Variants in RPA3 observed in about 807,000 individuals in gnomAD.
RPA3 encodes the protein replication protein A 14 kDa subunit.
A neutral mutation model predicts 13.7 loss-of-function variants in RPA3; 24 were observed. That is an observed-to-expected ratio of 1.75 (90% CI 1.27 to 2.46). The LOEUF (loss-of-function observed/expected upper bound fraction) is 2.46. Among genes scored for constraint, RPA3 ranks in the 30% most tolerant of loss-of-function variants. The probability of loss-of-function intolerance (pLI) is 0.00; values close to 1 mark genes in which losing one functional copy is unlikely to be tolerated. For synonymous variants in RPA3, 59 were observed against 51.2 expected, an observed-to-expected ratio of 1.15 and a Z score of -0.65; for missense variants, 183 against 151.0, an observed-to-expected ratio of 1.21 and a Z score of -1.11.
chr7:7,686,090 G>C (rs946165434), intron 3 of RPA3, 92 bp from the exon 4 acceptor site: 1 of 152,152 alleles, frequency 6.6e-6, no homozygotes, highest in African/African-American at 2.4e-5. Flanking sequence ...AGAGTTGACT[G>C]TTTTACTCTA....
chr7:7,686,372 A>G (rs1780041715), intron 3 of RPA3, among the ~76,000 whole-genome samples: 1 of 152,238 alleles, frequency 6.6e-6, no homozygotes, highest in South Asian at 2.1e-4. Flanking sequence ...GCAGTAAGGA[A>G]CTATCAGACC....
intron 2 of RPA3, among the ~76,000 whole-genome samples, chr7:7,695,414 T>C (rs1227894137): frequency 1.3e-5 from 2 of 152,224 alleles, no homozygotes; most frequent in Non-Finnish European, 2.9e-5. Context: ...CTTGTCTTTC[T>C]GTCTTTTCTA....
At chr7:7,660,917 C>T (rs1411239333) in intron 4 of RPA3, among the ~76,000 whole-genome samples, 1 of 152,212 alleles carries the variant, frequency 6.6e-6, no homozygotes, top group African/African-American at 2.4e-5. Context: ...GTTCTATTCT[C>T]CCTGTCACTT....
rs28912707 is a variant in RPA3, at chr7:7,695,199, G to A, written c.-1027-7871C>T. ...TTGTACGTCTTCTTTTGAGAAGCTC[G>A]CTGTTTCCAAGTAGAGAAAATCACT... On this transcript the variant is annotated intron_variant, in intron 2 of 7. Transcript: ENST00000223129. Among the ~76,000 whole-genome samples the A allele has an allele frequency of 7.9e-5, 12 of 152,174 alleles. No individual in the cohort carries two copies. In the East Asian group the frequency reaches 2.3e-3, roughly 29 times the overall value.
intron 4 of RPA3, among the ~76,000 whole-genome samples, chr7:7,644,461 G>C (rs757572580): frequency 6.7e-6 from 1 of 150,188 alleles, no homozygotes; most frequent in Non-Finnish European, 1.5e-5. Context: ...TGAATTCTTT[G>C]ATACATCGTA....
At chr7:7,654,210 C>G (rs746883237) in intron 4 of RPA3, among the ~76,000 whole-genome samples, 3 of 152,208 alleles carry the variant, frequency 2.0e-5, no homozygotes, top group African/African-American at 7.2e-5. Context: ...TGACTATTCT[C>G]TAGTAGATAC....
intron 4 of RPA3, among the ~76,000 whole-genome samples, chr7:7,663,958 T>C (rs199821414): frequency 6.6e-6 from 1 of 152,180 alleles, no homozygotes; most frequent in East Asian, 1.9e-4. Context: ...ATTAAACAAT[T>C]TTTCCTTCTA....
chr7:7,686,762 C>T (rs1409438959), intron 3 of RPA3, among the ~76,000 whole-genome samples: 2 of 152,174 alleles, frequency 1.3e-5, no homozygotes, highest in African/African-American at 4.8e-5. Context: ...TTCCATGTGG[C>T]CGTTTTCCAG....
chr7:7,686,446 A>T (rs1272193802), intron 3 of RPA3, among the ~76,000 whole-genome samples: 1 of 152,144 alleles, frequency 6.6e-6, no homozygotes, highest in Non-Finnish European at 1.5e-5. Context: ...TTTATTGACA[A>T]TTTTTTAAAA....
intron 4 of RPA3, among the ~76,000 whole-genome samples, chr7:7,681,238 T>TC (rs1024175335): frequency 6.6e-6 from 1 of 152,142 alleles, no homozygotes; most frequent in African/African-American, 2.4e-5. Flanking sequence ...TCTATTTTTT[T>TC]CCACTTGAGA....
intron 2 of RPA3, among the ~76,000 whole-genome samples, chr7:7,707,367 T>C (rs1450964318): frequency 6.6e-6 from 1 of 152,184 alleles, no homozygotes; most frequent in East Asian, 1.9e-4. Context: ...TTTGCTTGCC[T>C]TGAATGACTT....
chr7:7,645,775 A>G (rs1202805501), intron 4 of RPA3, among the ~76,000 whole-genome samples: 2 of 150,050 alleles, frequency 1.3e-5, no homozygotes, highest in African/African-American at 4.9e-5. Context: ...ATTGTCTTTT[A>G]TATATATTCC....
At chr7:7,666,828 G>C (rs1224815906) in intron 4 of RPA3, among the ~76,000 whole-genome samples, 5 of 151,810 alleles carry the variant, frequency 3.3e-5, no homozygotes. Context: ...TGTTTGAGAC[G>C]AAGTTTCACT....
At chr7:7,650,290 T>C (rs1251575741) in intron 4 of RPA3, among the ~76,000 whole-genome samples, 2 of 152,244 alleles carry the variant, frequency 1.3e-5, no homozygotes, top group African/African-American at 4.8e-5. Context: ...TCATTTTCTT[T>C]ACTTAATATT....
chr7:7,657,727 G>A (rs1461496896), intron 4 of RPA3, among the ~76,000 whole-genome samples: 1 of 152,168 alleles, frequency 6.6e-6, no homozygotes, highest in African/African-American at 2.4e-5. Context: ...TTGTAGTATA[G>A]TTTGAAGTCA....
chr7:7,654,729 C>T (rs1197154127), intron 4 of RPA3, among the ~76,000 whole-genome samples: 4 of 152,024 alleles, frequency 2.6e-5, no homozygotes, highest in Middle Eastern at 3.4e-3. Context: ...ATGGTGAAAC[C>T]CCATCTCTAC....
chr7:7,671,319 G>A (rs1412831467), intron 4 of RPA3, among the ~76,000 whole-genome samples: 1 of 151,976 alleles, frequency 6.6e-6, no homozygotes, highest in Admixed American at 6.5e-5. Flanking sequence ...TTTATTTGAG[G>A]ATATCTTGGC....
At chr7:7,712,744 C>A (rs148529718) in intron 2 of RPA3, among the ~76,000 whole-genome samples, 191 of 152,256 alleles carry the variant, frequency 1.3e-3, no homozygotes, top group Non-Finnish European at 2.0e-3. Context: ...CTTTTCCCCA[C>A]TTTTGATTGT....
At chr7:7,665,604 A>G (rs1779423327) in intron 4 of RPA3, among the ~76,000 whole-genome samples, 1 of 152,192 alleles carries the variant, frequency 6.6e-6, no homozygotes, top group African/African-American at 2.4e-5. Context: ...CTGCTGAAAC[A>G]GTCACTGCTG....
Sources: allele counts gnomAD v4.1 joint callset (sites outside exome capture counted in the v4.1 genomes callset), GRCh38; gene constraint gnomAD v4.1.1; transcripts MANE v1.5; gene names NCBI Gene and HGNC (gene_info 2026-07-23, HGNC 2026-07-21).